The following PRKG1 variants were observed in gnomAD, a reference collection of about 807,000 sequenced individuals.
The protein encoded by PRKG1 is cGMP-dependent protein kinase 1.
Under a neutral mutation model 88.1 loss-of-function variants are expected in PRKG1, and 35 were observed. The ratio of observed to expected loss-of-function variants is 0.40; its 90% CI spans 0.30 to 0.53. PRKG1 has a LOEUF of 0.53. Among genes scored for constraint, PRKG1 ranks in the 20% least tolerant of loss-of-function variants. The pLI, the probability that PRKG1 is intolerant of heterozygous loss-of-function variation, is 0.59. For synonymous variants in PRKG1, 303 were observed against 292.5 expected (o/e 1.04, Z -0.37); for missense variants, 540 against 839.8 (o/e 0.64, Z 4.41).
intron 4 of PRKG1, among the ~76,000 whole-genome samples, chr10:51,889,180 G>T (rs1273921918): frequency 4.7e-5 from 7 of 150,214 alleles, no homozygotes; most frequent in Non-Finnish European, 8.9e-5. Context: ...ATTTACATTA[G>T]GTATATCTCC....
intron 2 of PRKG1, among the ~76,000 whole-genome samples, chr10:51,197,548 A>G (rs1382803978): frequency 1.3e-5 from 2 of 152,082 alleles, no homozygotes; most frequent in Non-Finnish European, 2.9e-5. Context: ...TGCTGGGATT[A>G]CAGATGTAAG....
intron 4 of PRKG1, among the ~76,000 whole-genome samples, chr10:51,896,809 G>C (rs1411568721): frequency 7.9e-5 from 12 of 151,924 alleles, no homozygotes; most frequent in Non-Finnish European, 1.2e-4. Flanking sequence ...TCCAGTATAA[G>C]GAGTTTAAAC....
chr10:51,625,743 A>G (rs1483226693), intron 3 of PRKG1, among the ~76,000 whole-genome samples: 1 of 152,114 alleles, frequency 6.6e-6, no homozygotes, highest in Non-Finnish European at 1.5e-5. Flanking sequence ...AAAAGAATAT[A>G]TGAATTAACT....
intron 3 of PRKG1, among the ~76,000 whole-genome samples, chr10:51,616,797 G>T (rs185914239): frequency 2.6e-5 from 4 of 152,270 alleles, no homozygotes; most frequent in African/African-American, 9.6e-5. Flanking sequence ...GGGTGGGGCT[G>T]TCTTCACTGG....
At chr10:51,582,203 T>C (rs1564560164) in intron 3 of PRKG1, among the ~76,000 whole-genome samples, 2 of 152,196 alleles carry the variant, frequency 1.3e-5, no homozygotes, top group African/African-American at 4.8e-5. Flanking sequence ...GAATGACTAA[T>C]CTATAATATT....
chr10:51,900,188 G>T (rs940981353), intron 4 of PRKG1, among the ~76,000 whole-genome samples: 1 of 152,106 alleles, frequency 6.6e-6, no homozygotes, highest in Non-Finnish European at 1.5e-5. Flanking sequence ...TCAATCTGTT[G>T]AATTTATGTG....
chr10:51,642,417 A>G (rs12264341), intron 3 of PRKG1, among the ~76,000 whole-genome samples: 1 of 152,036 alleles, frequency 6.6e-6, no homozygotes, highest in African/African-American at 2.4e-5. Context: ...TGAATACTTA[A>G]ATACTTATTT....
At position 51,631,943 on chromosome 10, in the gene PRKG1, A is replaced by G. The variant is rs116538841; in HGVS notation, c.592+164107A>G. 4.8e-3 allele frequency among the ~76,000 whole-genome samples: 726 copies of G among 152,300 alleles called. 3 individuals are homozygous for G. Among genetic ancestry groups the G allele is most frequent in the African/African-American group, 0.017 (690 of 41,560 alleles). On this transcript the variant is annotated intron_variant, in intron 3 of 17. Transcript: ENST00000373980. ...TGTAAAGGATAGAAAAGCAGGTTAC[A>G]AGTTTCTCCCTTATTTGCATTATTA...
chr10:51,995,652 A>G (rs1374031114), intron 5 of PRKG1, among the ~76,000 whole-genome samples: 1 of 152,174 alleles, frequency 6.6e-6, no homozygotes, highest in Non-Finnish European at 1.5e-5. Context: ...GCAGTGATGT[A>G]AAAACAGCAC....
rs60574569 is a variant in PRKG1, at chr10:51,465,766, T to C, written c.479-1957T>C. Among the ~76,000 whole-genome samples the C allele has an allele frequency of 6.1e-4, 93 of 152,296 alleles. No homozygotes were observed. The East Asian group carries it at 0.017, about 27-fold the overall frequency. On this transcript the variant is annotated intron_variant, in intron 2 of 17. Transcript: ENST00000373980. ...TAAAAACCTCTATTACCCTATATTG[T>C]TCTTGGTTAGTTTCTGTAGTAGATG...
chr10:51,829,262 T>G (rs550263880), intron 4 of PRKG1, among the ~76,000 whole-genome samples: 1 of 152,322 alleles, frequency 6.6e-6, no homozygotes, highest in South Asian at 2.1e-4. Context: ...TCTTATGCTT[T>G]CATTTTAAAA....
chr10:51,016,669 C>CTTTTTTTTTTT (rs1323068893), intron 1 of PRKG1, among the ~76,000 whole-genome samples: 17 of 22,752 alleles, frequency 7.5e-4, no homozygotes, highest in Admixed American at 1.5e-3. Flanking sequence ...TATTATTATC[C>CTTTTTTTTTTT]TTTCTTTTTT....
chr10:51,707,114 AAATGG>A (rs1183826516), intron 3 of PRKG1, among the ~76,000 whole-genome samples: 3 of 152,210 alleles, frequency 2.0e-5, no homozygotes, highest in Non-Finnish European at 2.9e-5. Context: ...TTTGTAGTTG[AAATGG>A]ATACTTTTTA....
At chr10:51,094,249 G>A (rs1844469629) in intron 1 of PRKG1, among the ~76,000 whole-genome samples, 2 of 151,748 alleles carry the variant, frequency 1.3e-5, no homozygotes, top group South Asian at 4.2e-4. Flanking sequence ...TATTCTTCTT[G>A]TAGCACTCAG....
At chr10:52,149,345 G>A (rs1837836764) in intron 8 of PRKG1, among the ~76,000 whole-genome samples, 1 of 151,870 alleles carries the variant, frequency 6.6e-6, no homozygotes, top group South Asian at 2.1e-4. Flanking sequence ...ACAAGAAAAT[G>A]TATTGTCTAG....
intron 2 of PRKG1, among the ~76,000 whole-genome samples, chr10:51,186,943 A>C (rs1837502027): frequency 7.7e-6 from 1 of 129,196 alleles, no homozygotes; most frequent in African/African-American, 3.0e-5. Context: ...TGAGTTTTGC[A>C]AGGCCCTGTG....
At chr10:52,029,551 G>A (rs1414620341) in intron 5 of PRKG1, among the ~76,000 whole-genome samples, 4 of 152,170 alleles carry the variant, frequency 2.6e-5, no homozygotes, top group African/African-American at 4.8e-5. Context: ...TCTCAAAGTC[G>A]ATATACTTTA....
At chr10:51,729,302 T>G (rs1161409453) in intron 3 of PRKG1, among the ~76,000 whole-genome samples, 1 of 152,206 alleles carries the variant, frequency 6.6e-6, no homozygotes, top group African/African-American at 2.4e-5. Context: ...CAAAGTAAAC[T>G]CAGCATAACT....
intron 2 of PRKG1, among the ~76,000 whole-genome samples, chr10:51,309,103 G>C (rs1168238733): frequency 4.6e-5 from 7 of 152,148 alleles, no homozygotes; most frequent in Non-Finnish European, 7.3e-5. Flanking sequence ...CTTCTGGCAG[G>C]TATGAACAGT....
Sources: gnomAD v4.1 joint callset for allele counts (sites outside exome capture counted in the v4.1 genomes callset) on GRCh38, gnomAD v4.1.1 for gene constraint, MANE v1.5 for transcripts, NCBI Gene and HGNC (gene_info 2026-07-23, HGNC 2026-07-21) for gene names.